The following KCNQ1 variants were observed in gnomAD, a reference collection of about 807,000 sequenced individuals.
KCNQ1 encodes the protein potassium voltage-gated channel subfamily Q member 1, also known as potassium voltage-gated channel subfamily KQT member 1.
A neutral mutation model predicts 72.4 loss-of-function variants in KCNQ1; 49 were observed. The ratio of observed to expected loss-of-function variants is 0.68; its 90% CI spans 0.54 to 0.86. KCNQ1 has a LOEUF of 0.86. Among genes scored for constraint, KCNQ1 ranks in the 40% least tolerant of loss-of-function variants. The pLI, the probability that KCNQ1 is intolerant of heterozygous loss-of-function variation, is 0.00. For missense variants in KCNQ1, 790 were observed against 945.1 expected (o/e 0.84, Z 2.15); for synonymous variants, 450 against 412.6 (o/e 1.09, Z -1.10).
rs181022556 is a variant in KCNQ1, at chr11:2,848,860, G to T, written c.*857G>T. The T allele has an allele frequency of 6.6e-6, 3 of 454,174 alleles. No homozygotes were observed. Among genetic ancestry groups the T allele is most frequent in the Admixed American group, 2.3e-5 (1 of 42,584 alleles). 28.1% of individuals were successfully genotyped at this position (454,174 alleles called of 1,614,324 possible). Reference sequence around the variant, plus strand: ...GTGACGGTTCCTACACAGGACAGGGGTTCCTTCTGGGCATTACATCGCATA... The same window carrying T: ...GTGACGGTTCCTACACAGGACAGGGTTTCCTTCTGGGCATTACATCGCATA... On this transcript the variant is annotated 3_prime_UTR_variant, in exon 16 of 16. Transcript: ENST00000155840.
rs976011162 is a variant in KCNQ1, at chr11:2,450,731, C to T, written c.386+5247C>T. Among the ~76,000 whole-genome samples the T allele has an allele frequency of 3.9e-5, 6 of 152,162 alleles. No homozygotes were observed. Among genetic ancestry groups the T allele is most frequent in the African/African-American group, 9.7e-5 (4 of 41,430 alleles). ...CCAGACCTCACAGATGCAAAATTAT[C>T]GTGGTTGACAAAGGGAGGCGGCTGG... On this transcript the variant is annotated intron_variant, in intron 1 of 15. Coordinates refer to ENST00000155840, the MANE Select transcript of KCNQ1 (RefSeq NM_000218.3). The surrounding 1 kb of genome is among the most constrained non-coding windows in gnomAD (Gnocchi z 7.9).
intron 11 of KCNQ1, among the ~76,000 whole-genome samples, chr11:2,731,624 G>A (rs1233671387): frequency 6.6e-6 from 1 of 152,236 alleles, no homozygotes; most frequent in African/African-American, 2.4e-5. Context: ...TCTTTTGGGG[G>A]ACCCTGTGGT....
rs1846233539 is a variant in KCNQ1 at position 2,458,797 on chromosome 11, T to TG, written c.386+13318dup. Among the ~76,000 whole-genome samples the TG allele has an allele frequency of 6.6e-6, 1 of 152,026 alleles. No homozygotes were observed. Among genetic ancestry groups the TG allele is most frequent in the South Asian group, 2.1e-4 (1 of 4,822 alleles). The stretch of plus-strand genomic sequence containing the variant: ...GAGGCCACTTGCAGAATCCCAGTGG[T>TG]GGGGGATGGCTCTGTAGGACACATG... On this transcript the variant is annotated intron_variant, in intron 1 of 15. Coordinates refer to ENST00000155840, the MANE Select transcript of KCNQ1 (RefSeq NM_000218.3). The surrounding 1 kb of genome is among the most constrained non-coding windows in gnomAD (Gnocchi z 4.6).
intron 1 of KCNQ1, among the ~76,000 whole-genome samples, chr11:2,505,823 C>A (rs1180014962): frequency 1.3e-5 from 2 of 152,122 alleles, no homozygotes; most frequent in Non-Finnish European, 2.9e-5. Flanking sequence ...TTGCATGGAA[C>A]CTCTTTCTCC....
At chr11:2,460,814 C>T (rs1846266315) in intron 1 of KCNQ1, among the ~76,000 whole-genome samples, 1 of 152,332 alleles carries the variant, frequency 6.6e-6, no homozygotes, top group Admixed American at 6.5e-5. Context: ...TCTCTGGCCC[C>T]AAAGACTGCT....
At chr11:2,501,695 A>G (rs1228036869) in intron 1 of KCNQ1, among the ~76,000 whole-genome samples, 1 of 130,876 alleles carries the variant, frequency 7.6e-6, no homozygotes, top group African/African-American at 2.8e-5. Context: ...TTACCCTGTT[A>G]CCAAAACCAG....
intron 11 of KCNQ1, among the ~76,000 whole-genome samples, chr11:2,708,156 C>T (rs1351367531): frequency 6.6e-6 from 1 of 152,228 alleles, no homozygotes; most frequent in Non-Finnish European, 1.5e-5. Flanking sequence ...TTTTATGGAA[C>T]TGGGCTGGGG....
Position 2,768,983 on chromosome 11 carries a change from C to T in KCNQ1, c.1590+64C>T. 4 of 1,332,126 alleles carry T rather than the reference C, an allele frequency of 3.0e-6. No homozygotes were observed. The highest frequency in any genetic ancestry group is 1.4e-5 in the African/African-American group (1 of 69,552). 82.5% of individuals were successfully genotyped at this position (1,332,126 alleles called of 1,614,324 possible). ...CCTCGCAGCCTGATGCAGCTGCCCA[C>T]ACCTCTCCTGGGTTCTCTCCTGCCC... On this transcript the variant is annotated intron_variant, in intron 12 of 15. Coordinates refer to ENST00000155840, the MANE Select transcript of KCNQ1 (RefSeq NM_000218.3). This position sits in a 1 kb window ranked among gnomAD's most constrained non-coding sequence, Gnocchi z 6.7.
chr11:2,551,040 A>G (rs1452121969), intron 2 of KCNQ1, among the ~76,000 whole-genome samples: 1 of 152,154 alleles, frequency 6.6e-6, no homozygotes, highest in African/African-American at 2.4e-5. Context: ...TAGATTAACT[A>G]AAAAGTATTG....
rs1485735107 is a variant in KCNQ1 at position 2,629,773 on chromosome 11, T to G, written c.1394-32188T>G. On this transcript the variant is annotated intron_variant, in intron 10 of 15. Transcript: ENST00000155840. ...GCAAATGACTTCTGAATGCTGATTT[T>G]GTATCCTGCCACTTTACTGAGTTAG... 1.3e-5 allele frequency: 5 copies of G among 398,426 alleles called. No homozygotes were observed. In the East Asian group the frequency reaches 1.4e-4, roughly 11 times the overall value. The allele number at this position is 398,426 out of a possible 1,614,324, so 24.7% of individuals were successfully genotyped here. A position where few individuals can be genotyped will look rare whatever the true frequency, so the allele number is the denominator to read the frequency against.
chr11:2,610,817 A>G, intron 10 of KCNQ1: 1 of 385,412 alleles, frequency 2.6e-6, no homozygotes, highest in Non-Finnish European at 4.5e-6. Context: ...AGTCAGCTCC[A>G]CATTTGTCTC....
chr11:2,835,371 G>A (rs375783499), intron 15 of KCNQ1, among the ~76,000 whole-genome samples: 4 of 149,544 alleles, frequency 2.7e-5, no homozygotes, highest in African/African-American at 9.9e-5. Flanking sequence ...CATGTCTCCT[G>A]TAGACACCTG....
chr11:2,649,617 T>A (rs957780959), intron 10 of KCNQ1: 3 of 398,620 alleles, frequency 7.5e-6, no homozygotes, highest in Non-Finnish European at 1.3e-5. Context: ...GCAGCACTTT[T>A]AATATGGCAT....
chr11:2,588,065 G>T lies in KCNQ1; in HGVS notation c.1251+373G>T, dbSNP rs200301932. Among the ~76,000 whole-genome samples, 103 of 152,218 alleles carry T rather than the reference G, an allele frequency of 6.8e-4. No homozygotes were observed. In the East Asian group the frequency reaches 0.015, roughly 22 times the overall value. ...GGCCGCGCGCAGTGGGTGGTGGGAGGGGAGCAGCAGGGGAGGGAGGTGAGG... is the reference window on the plus strand; with the variant it reads ...GGCCGCGCGCAGTGGGTGGTGGGAGTGGAGCAGCAGGGGAGGGAGGTGAGG... On this transcript the variant is annotated intron_variant, in intron 9 of 15. Coordinates refer to ENST00000155840, the MANE Select transcript of KCNQ1 (RefSeq NM_000218.3). This position sits in a 1 kb window ranked among gnomAD's most constrained non-coding sequence, Gnocchi z 5.6.
At position 2,538,230 on chromosome 11, in the gene KCNQ1, G is replaced by A. The variant is rs1847768269; in HGVS notation, c.477+10212G>A. Among the ~76,000 whole-genome samples, 1 of 152,206 alleles carries A rather than the reference G, an allele frequency of 6.6e-6. No individual in the cohort carries two copies. The highest frequency in any genetic ancestry group is 2.4e-5 in the African/African-American group (1 of 41,446). On this transcript the variant is annotated intron_variant, in intron 2 of 15. Transcript: ENST00000155840. The surrounding 1 kb of genome is among the most constrained non-coding windows in gnomAD (Gnocchi z 6.7). The stretch of plus-strand genomic sequence containing the variant: ...TGGTTTTTTCTCATTGCACATGGCT[G>A]TCACGCGGTTTCAGCTTCTTTGACC...
chr11:2,461,870 A>T, intron 1 of KCNQ1: 1 of 473,434 alleles, frequency 2.1e-6, no homozygotes, highest in Non-Finnish European at 3.7e-6. Context: ...GGGTGGACGG[A>T]GGGATGGGCA....
rs1024917965 is a variant in KCNQ1 at position 2,659,960 on chromosome 11, T to G, written c.1394-2001T>G. 2 of 398,354 alleles carry G rather than the reference T, an allele frequency of 5.0e-6. No homozygotes were observed. The highest frequency in any genetic ancestry group is 8.9e-6 in the Non-Finnish European group (2 of 225,980). The allele number at this position is 398,354 out of a possible 1,614,324, so 24.7% of individuals were successfully genotyped here. A position where few individuals can be genotyped will look rare whatever the true frequency, so the allele number is the denominator to read the frequency against. On this transcript the variant is annotated intron_variant, in intron 10 of 15. Coordinates refer to ENST00000155840, the MANE Select transcript of KCNQ1 (RefSeq NM_000218.3). The surrounding 1 kb of genome is among the most constrained non-coding windows in gnomAD (Gnocchi z 4.3). The stretch of plus-strand genomic sequence containing the variant: ...TGCAAGTCCTTGACCTGATAGGTGA[T>G]ATGCAAATATTCTTTCCAAGTCTGT...
rs1846851419 is a variant in KCNQ1 at position 2,783,101 on chromosome 11, G to T, written c.1794+5064G>T. ...TAAATTTTTAAGGTATGCATTTAAG[G>T]TTATAAATTTTTCCTTTAAATATCA... On this transcript the variant is annotated intron_variant, in intron 15 of 15. Transcript: ENST00000155840. The surrounding 1 kb of genome is among the most constrained non-coding windows in gnomAD (Gnocchi z 5.2). 1.3e-5 allele frequency among the ~76,000 whole-genome samples: 2 copies of T among 151,976 alleles called. No individual in the cohort carries two copies.
intron 15 of KCNQ1, among the ~76,000 whole-genome samples, chr11:2,780,492 T>C (rs118156510): frequency 0.011 from 1,602 of 152,254 alleles, 28 homozygotes; most frequent in African/African-American, 0.034. Context: ...TGGCCTTCCC[T>C]ACCAGCACCC....
Sources: gnomAD v4.1 joint callset for allele counts (sites outside exome capture counted in the v4.1 genomes callset) on GRCh38, gnomAD v4.1.1 for gene constraint, Gnocchi (gnomAD v3.1) non-coding constraint, MANE v1.5 for transcripts, NCBI Gene and HGNC (gene_info 2026-07-23, HGNC 2026-07-21) for gene names.